Variants in RPRD1A observed in about 807,000 individuals in gnomAD.
The protein encoded by RPRD1A is regulation of nuclear pre-mRNA domain containing 1A, also known as regulation of nuclear pre-mRNA domain-containing protein 1A.
Under a neutral mutation model 37.8 loss-of-function variants are expected in RPRD1A, and 9 were observed. That is an observed-to-expected ratio of 0.24 (90% CI 0.14 to 0.42). RPRD1A has a LOEUF of 0.42. RPRD1A is among the 10% of genes least tolerant of loss of function. The probability of loss-of-function intolerance (pLI) is 1.00; values close to 1 mark genes in which losing one functional copy is unlikely to be tolerated. For synonymous variants in RPRD1A, 138 were observed against 139.7 expected (o/e 0.99, Z 0.08); for missense variants, 255 against 371.0 (o/e 0.69, Z 2.57).
intron 6 of RPRD1A, among the ~76,000 whole-genome samples, chr18:36,004,254 A>G (rs1055731431): frequency 4.6e-5 from 7 of 151,660 alleles, no homozygotes; most frequent in Middle Eastern, 3.4e-3. Context: ...CAGACTTCCA[A>G]TCTTATTTTC....
rs554356275 is a variant in RPRD1A, at chr18:36,059,745, T to C, written c.151+7509A>G. Among the ~76,000 whole-genome samples, 5 of 152,322 alleles carry C rather than the reference T, an allele frequency of 3.3e-5. No individual in the cohort carries two copies. The South Asian group carries it at 1.0e-3, about 32-fold the overall frequency. On this transcript the variant is annotated intron_variant, in intron 1 of 6. Coordinates refer to ENST00000399022, the MANE Select transcript of RPRD1A (RefSeq NM_018170.5). ...CACCCATAGATGTAAAGGAACTTTATTTACATAGTAATCAATTGCAATAAA... is the reference window on the plus strand; with the variant it reads ...CACCCATAGATGTAAAGGAACTTTACTTACATAGTAATCAATTGCAATAAA...
intron 1 of RPRD1A, among the ~76,000 whole-genome samples, chr18:36,059,449 T>A (rs757754447): frequency 6.6e-5 from 10 of 152,196 alleles, no homozygotes; most frequent in Non-Finnish European, 1.3e-4. Flanking sequence ...TAATTAAAAA[T>A]TTTTAAAATA....
chr18:35,996,597 A>C (rs537690065), intron 6 of RPRD1A, among the ~76,000 whole-genome samples: 2 of 152,342 alleles, frequency 1.3e-5, no homozygotes, highest in South Asian at 4.1e-4. Context: ...ATGATACGAC[A>C]TTTGCTATTC....
intron 1 of RPRD1A, among the ~76,000 whole-genome samples, chr18:36,035,305 C>T (rs183457143): frequency 7.0e-6 from 1 of 143,156 alleles, no homozygotes; most frequent in African/African-American, 2.6e-5. Context: ...TGAATGGGTA[C>T]CTGAACAAAC....
intron 1 of RPRD1A, chr18:36,064,015 A>G (rs1441483512): frequency 6.6e-6 from 1 of 152,238 alleles, no homozygotes; most frequent in African/African-American, 2.4e-5. Context: ...ACATCTTACA[A>G]TTTTACCACA....
chr18:36,008,577 G>GTGTGTATATGTGTGTATATATATA, intron 6 of RPRD1A, among the ~76,000 whole-genome samples: 1 of 47,800 alleles, frequency 2.1e-5, no homozygotes, highest in African/African-American at 6.8e-5. Context: ...CCTTGTGTGT[G>GTGTGTATATGTGTGTATATATATA]TATATATATA....
intron 6 of RPRD1A, 22 bp downstream of exon 6, chr18:36,026,878 A>T: frequency 6.3e-7 from 1 of 1,592,914 alleles, no homozygotes; most frequent in South Asian, 1.1e-5. Flanking sequence ...AATAAGCACT[A>T]AAGAAGAAAA....
chr18:36,018,840 G>T (rs1178940600), intron 6 of RPRD1A, among the ~76,000 whole-genome samples: 4 of 152,070 alleles, frequency 2.6e-5, no homozygotes, highest in African/African-American at 7.2e-5. Context: ...TGAGTAGATG[G>T]GACCAAAAGA....
chr18:35,993,429 G>A, intron 6 of RPRD1A, 129 bp from the exon 7 acceptor site: 2 of 845,372 alleles, frequency 2.4e-6, no homozygotes, highest in South Asian at 2.1e-5. Flanking sequence ...ATTCCAGTGT[G>A]AGTTTTCACA....
At chr18:36,028,176 CAT>C (rs1368324549) in intron 4 of RPRD1A, 12 of 151,674 alleles carry the variant, frequency 7.9e-5, no homozygotes, top group African/African-American at 2.9e-4. Context: ...GGAAATTACA[CAT>C]ATGCTTTAAA....
chr18:36,033,602 A>C (rs2144305438), intron 2 of RPRD1A, 106 bp downstream of exon 2: 1 of 915,510 alleles, frequency 1.1e-6, no homozygotes, highest in East Asian at 2.8e-5. Flanking sequence ...AGCATCAAAA[A>C]ACTATATTCC....
At chr18:36,063,212 C>G (rs556698328) in intron 1 of RPRD1A, 1 of 152,240 alleles carries the variant, frequency 6.6e-6, no homozygotes, top group Non-Finnish European at 1.5e-5. Flanking sequence ...TGAGACAGGG[C>G]CTTGCTCTGT....
intron 4 of RPRD1A, among the ~76,000 whole-genome samples, chr18:36,029,419 C>G (rs1258115412): frequency 6.6e-6 from 1 of 152,000 alleles, no homozygotes; most frequent in Non-Finnish European, 1.5e-5. Context: ...TCTGGCAACC[C>G]CATGTCTGCT....
chr18:36,064,003 G>A (rs1381852239), intron 1 of RPRD1A: 2 of 152,214 alleles, frequency 1.3e-5, no homozygotes, highest in African/African-American at 4.8e-5. Context: ...CTTGCTAAAA[G>A]CACATCTTAC....
intron 1 of RPRD1A, among the ~76,000 whole-genome samples, chr18:36,062,718 C>T (rs1312770725): frequency 6.6e-6 from 1 of 152,102 alleles, no homozygotes; most frequent in African/African-American, 2.4e-5. Flanking sequence ...TAATTCTATT[C>T]ATATGAAATG....
intron 4 of RPRD1A, among the ~76,000 whole-genome samples, chr18:36,029,590 T>C (rs549564966): frequency 1.7e-5 from 2 of 120,126 alleles, no homozygotes; most frequent in Admixed American, 9.5e-5. Context: ...GTTTGAAACA[T>C]AGAAGGAGGA....
intron 6 of RPRD1A, among the ~76,000 whole-genome samples, chr18:36,020,978 G>A (rs1311992981): frequency 6.6e-6 from 1 of 152,172 alleles, no homozygotes; most frequent in Non-Finnish European, 1.5e-5. Context: ...TTTTGCTTAA[G>A]TAACTTTTTC....
intron 1 of RPRD1A, among the ~76,000 whole-genome samples, chr18:36,042,443 T>A (rs578110840): frequency 1.3e-5 from 2 of 152,308 alleles, no homozygotes; most frequent in African/African-American, 4.8e-5. Flanking sequence ...AATTACTTGT[T>A]CCAGTAACTT....
intron 4 of RPRD1A, 84 bp from the exon 5 acceptor site, chr18:36,027,394 A>G (rs1598627970): frequency 1.4e-6 from 2 of 1,453,142 alleles, no homozygotes; most frequent in Non-Finnish European, 1.9e-6. Context: ...TTTCATCCCT[A>G]TGGGCTATTT....
Sources: gnomAD v4.1 joint callset for allele counts (sites outside exome capture counted in the v4.1 genomes callset) on GRCh38, gnomAD v4.1.1 for gene constraint, MANE v1.5 for transcripts, NCBI Gene and HGNC (gene_info 2026-07-23, HGNC 2026-07-21) for gene names.